Variants in ZER1 observed in about 807,000 individuals in gnomAD.
ZER1 encodes protein zer-1 homolog.
Under a neutral mutation model 78.8 loss-of-function variants are expected in ZER1, and 11 were observed. That is an observed-to-expected ratio of 0.14 (90% CI 0.09 to 0.23). ZER1 has a LOEUF of 0.23. ZER1 is among the 10% of genes least tolerant of loss of function. The pLI, the probability that ZER1 is intolerant of heterozygous loss-of-function variation, is 1.00. For missense variants in ZER1, 588 were observed against 996.9 expected, an observed-to-expected ratio of 0.59 and a Z score of 5.52; for synonymous variants, 400 against 407.0, an observed-to-expected ratio of 0.98 and a Z score of 0.21.
chr9:128,732,988 C>T lies in ZER1; in HGVS notation c.2243+438G>A, dbSNP rs569578107. ...GCCACAGAGCCACGGAAGGCCGAGA[C>T]TCCACCATGTTTGTGATCTTCACAT... On this transcript the variant is annotated intron_variant, in intron 15 of 15. Coordinates refer to ENST00000291900, the MANE Select transcript of ZER1 (RefSeq NM_006336.4). This position sits in a 1 kb window ranked among gnomAD's most constrained non-coding sequence, Gnocchi z 4.8. 6.3e-6 allele frequency: 1 copy of T among 158,446 alleles called. No individual in the cohort carries two copies. Among genetic ancestry groups the T allele is most frequent in the South Asian group, 1.9e-4 (1 of 5,180 alleles). The allele number at this position is 158,446 out of a possible 1,614,324, so 9.8% of individuals were successfully genotyped here.
intron 8 of ZER1, among the ~76,000 whole-genome samples, chr9:128,743,434 T>C (rs1268241902): frequency 6.6e-6 from 1 of 152,064 alleles, no homozygotes; most frequent in African/African-American, 2.4e-5. Flanking sequence ...TTTATTTATT[T>C]TTTTTGAGAC....
At position 128,753,098 on chromosome 9, in the gene ZER1, C is replaced by A; in HGVS notation, c.746+66G>T. The A allele has an allele frequency of 7.0e-7, 1 of 1,438,346 alleles. No homozygotes were observed. Among genetic ancestry groups the A allele is most frequent in the South Asian group, 1.4e-5 (1 of 71,752 alleles). 89.1% of individuals were successfully genotyped at this position (1,438,346 alleles called of 1,614,324 possible). The stretch of plus-strand genomic sequence containing the variant: ...CTGAACCCTGAGGGCGTGACAACAC[C>A]CACCTCTACTCCTCCCCACCTGCCC... On this transcript the variant is annotated intron_variant, in intron 4 of 15. Coordinates refer to ENST00000291900, the MANE Select transcript of ZER1 (RefSeq NM_006336.4). This position sits in a 1 kb window ranked among gnomAD's most constrained non-coding sequence, Gnocchi z 7.5.
chr9:128,744,255 T>C (rs902004012), intron 8 of ZER1, among the ~76,000 whole-genome samples: 4 of 151,670 alleles, frequency 2.6e-5, no homozygotes, highest in Non-Finnish European at 5.9e-5. Context: ...GGTGCAATCT[T>C]GCAGTGGCTC....
chr9:128,760,742 A>C (rs1203346848), intron 1 of ZER1, among the ~76,000 whole-genome samples: 1 of 149,954 alleles, frequency 6.7e-6, no homozygotes, highest in African/African-American at 2.5e-5. Context: ...GCAGCGAGCC[A>C]AGATTGCGCC....
In ZER1 at chr9:128,755,419, C is replaced by T. The variant is rs1362594083; in HGVS notation, c.147G>A (p.Arg49=). 6.2e-7 allele frequency: 1 copy of T among 1,614,066 alleles called. No individual in the cohort carries two copies. The highest frequency in any genetic ancestry group is 1.7e-5 in the Admixed American group (1 of 59,996). Residue 49 remains arginine, a synonymous_variant, in exon 2 of 16, where the codon CGG becomes CGA. Transcript: ENST00000291900. The surrounding 1 kb of genome is among the most constrained non-coding windows in gnomAD (Gnocchi z 5.6). ...DIFLPSEICD[R]LVNEYVELVN... ...CTGGGTCTGCTCACTCATTGACGAG[C>T]CGGTCACAGATCTCGCTGGGCAAGA...
intron 8 of ZER1, among the ~76,000 whole-genome samples, 192 bp downstream of exon 8, chr9:128,750,424 G>A (rs932204859): frequency 7.2e-5 from 11 of 152,234 alleles, no homozygotes; most frequent in African/African-American, 2.7e-4. Context: ...ATGGGGCAGG[G>A]AGGAGGATGG....
intron 8 of ZER1, among the ~76,000 whole-genome samples, chr9:128,745,375 G>T (rs916940547): frequency 4.0e-5 from 6 of 150,570 alleles, no homozygotes; most frequent in Non-Finnish European, 8.9e-5. Context: ...TTTTTTTTTT[G>T]AGATGGAGTC....
intron 1 of ZER1, among the ~76,000 whole-genome samples, chr9:128,763,814 T>G (rs1398826315): frequency 1.3e-5 from 2 of 151,952 alleles, no homozygotes; most frequent in African/African-American, 4.8e-5. Context: ...ATGGTGAAAC[T>G]CCGTCTCTAC....
At chr9:128,761,050 C>T (rs1325641467) in intron 1 of ZER1, among the ~76,000 whole-genome samples, 18 of 148,030 alleles carry the variant, frequency 1.2e-4, no homozygotes, top group African/African-American at 2.5e-4. Context: ...CCCAGCTACT[C>T]GGGAGGCTGA....
intron 8 of ZER1, among the ~76,000 whole-genome samples, chr9:128,745,469 C>T (rs1287670530): frequency 1.3e-5 from 2 of 151,770 alleles, no homozygotes; most frequent in African/African-American, 4.8e-5. Context: ...GCGATTCTCC[C>T]GTCTCAGCCT....
intron 1 of ZER1, among the ~76,000 whole-genome samples, chr9:128,769,721 A>G (rs1303250014): frequency 6.6e-6 from 1 of 152,120 alleles, no homozygotes; most frequent in Non-Finnish European, 1.5e-5. Context: ...TGTATTTTCC[A>G]GATGAGAAGA....
Position 128,744,682 on chromosome 9 carries a change from T to C in ZER1, c.1360-1937A>G, listed in dbSNP as rs537886305. Among the ~76,000 whole-genome samples the C allele has an allele frequency of 5.9e-5, 9 of 151,582 alleles. No individual in the cohort carries two copies. In the South Asian group the frequency reaches 1.7e-3, roughly 28 times the overall value. ...TTAGTAGAGACAGGGTTTCGTCATG[T>C]TGGCCAGGCTGGTCTGGAACTCCTG... On this transcript the variant is annotated intron_variant, in intron 8 of 15. Coordinates refer to ENST00000291900, the MANE Select transcript of ZER1 (RefSeq NM_006336.4).
intron 15 of ZER1, among the ~76,000 whole-genome samples, chr9:128,731,870 C>T (rs4836624): frequency 0.84 from 128,284 of 152,236 alleles, 56,270 homozygotes; most frequent in Non-Finnish European, 0.96. Flanking sequence ...CAGCTGTGCT[C>T]GCACAAGGGC....
At chr9:128,771,122 T>C (rs1864370063) in intron 1 of ZER1, among the ~76,000 whole-genome samples, 1 of 152,242 alleles carries the variant, frequency 6.6e-6, no homozygotes, top group Non-Finnish European at 1.5e-5. Context: ...CAGAGAGCTA[T>C]AGTGGCCAGC....
At position 128,731,174 on chromosome 9, in the gene ZER1, T is replaced by C. The variant is rs1862803274; in HGVS notation, c.*163A>G. 2.6e-6 allele frequency: 1 copy of C among 389,244 alleles called. No homozygotes were observed. The highest frequency in any genetic ancestry group is 3.9e-5 in the Admixed American group (1 of 25,550). The allele number at this position is 389,244 out of a possible 1,614,324, so 24.1% of individuals were successfully genotyped here. A position where few individuals can be genotyped will look rare whatever the true frequency, so the allele number is the denominator to read the frequency against. On this transcript the variant is annotated 3_prime_UTR_variant, in exon 16 of 16. Transcript: ENST00000291900. ...AAAATATATATATATAATATATATATATCTCACTAACATTAAGGAAAAGCG... is the reference window on the plus strand; with the variant it reads ...AAAATATATATATATAATATATATACATCTCACTAACATTAAGGAAAAGCG...
chr9:128,741,248 G>A (rs556551219), intron 11 of ZER1, among the ~76,000 whole-genome samples: 15 of 152,356 alleles, frequency 9.8e-5, no homozygotes, highest in East Asian at 3.9e-4. Context: ...AGCTCGTAGC[G>A]TAGTGGGCTC....
In ZER1 at chr9:128,741,641, A is replaced by G; in HGVS notation, c.1631T>C (p.Met544Thr). 1.2e-6 allele frequency: 2 copies of G among 1,614,190 alleles called. No individual in the cohort carries two copies. Among genetic ancestry groups the G allele is most frequent in the Non-Finnish European group, 1.7e-6 (2 of 1,180,022 alleles). ...CCACAGGGCACTCCAGGAGAACTCCATGACCTGGTCACACTGTGAGGGCAG... is the reference window on the plus strand; with the variant it reads ...CCACAGGGCACTCCAGGAGAACTCCGTGACCTGGTCACACTGTGAGGGCAG... Reference protein sequence around the residue: ...KLLDKTCDQVMEFSWSALWNI... With the variant: ...KLLDKTCDQVTEFSWSALWNI... Residue 544 changes from methionine (M) to threonine (T), a missense_variant, in exon 11 of 16, where the codon ATG becomes ACG. Coordinates refer to ENST00000291900, the MANE Select transcript of ZER1 (RefSeq NM_006336.4).
intron 1 of ZER1, among the ~76,000 whole-genome samples, chr9:128,765,223 A>G (rs1864169774): frequency 7.0e-6 from 1 of 143,686 alleles, no homozygotes; most frequent in South Asian, 2.2e-4. Context: ...ACACACACAC[A>G]CACACACACA....
chr9:128,743,366 T>G (rs1863371452), intron 8 of ZER1, among the ~76,000 whole-genome samples: 1 of 152,178 alleles, frequency 6.6e-6, no homozygotes, highest in Non-Finnish European at 1.5e-5. Context: ...TCTGCCTGCC[T>G]TGGCCTCCCA....
Sources: gnomAD v4.1 joint callset for allele counts (sites outside exome capture counted in the v4.1 genomes callset) on GRCh38, gnomAD v4.1.1 for gene constraint, Gnocchi (gnomAD v3.1) non-coding constraint, MANE v1.5 for transcripts, NCBI Gene and HGNC (gene_info 2026-07-23, HGNC 2026-07-21) for gene names.